Variants in VOPP1 observed in about 807,000 individuals in gnomAD.
The protein encoded by VOPP1 is WW domain binding protein VOPP1.
Under a neutral mutation model 23.5 loss-of-function variants are expected in VOPP1, and 8 were observed. The ratio of observed to expected loss-of-function variants is 0.34; its 90% confidence interval spans 0.20 to 0.61. The LOEUF (loss-of-function observed/expected upper bound fraction) is 0.61. VOPP1 is among the 20% of genes least tolerant of loss of function. The pLI, the probability that VOPP1 is intolerant of heterozygous loss-of-function variation, is 0.78. For synonymous variants in VOPP1, 83 were observed against 97.3 expected (o/e 0.85, Z 0.86); for missense variants, 174 against 238.1 (o/e 0.73, Z 1.77).
chr7:55,518,481 G>T (rs192568522), intron 2 of VOPP1, among the ~76,000 whole-genome samples: 1 of 152,222 alleles, frequency 6.6e-6, no homozygotes, highest in African/African-American at 2.4e-5. Context: ...CACTCGCCGC[G>T]TGGTGGTTTG....
intron 4 of VOPP1, among the ~76,000 whole-genome samples, chr7:55,443,544 A>AACAG (rs1415069819): frequency 3.3e-5 from 5 of 152,120 alleles, no homozygotes; most frequent in African/African-American, 1.2e-4. Context: ...ACAGAGAGAG[A>AACAG]CTCTGTCTCA....
intron 4 of VOPP1, among the ~76,000 whole-genome samples, chr7:55,444,177 T>C (rs963233309): frequency 1.3e-5 from 2 of 152,192 alleles, no homozygotes; most frequent in African/African-American, 4.8e-5. Flanking sequence ...AGAGCTTTGA[T>C]GATGGTTTGG....
At chr7:55,490,136 C>G (rs1484449594) in intron 4 of VOPP1, among the ~76,000 whole-genome samples, 2 of 152,042 alleles carry the variant, frequency 1.3e-5, no homozygotes, top group Admixed American at 6.5e-5. Context: ...GCCAGGTGAG[C>G]TGGCAGAGAC....
rs951767522 is a variant in VOPP1, at chr7:55,457,140, C to T, written n.418-20966G>A. ...GGTAATTATCAATCTTCCTTCTACT[C>T]GCATGAGATCACCTTTTTTAGCTCC... On this transcript the variant is annotated intron_variant and non_coding_transcript_variant, in intron 4 of 4. Transcript: ENST00000462326. 2.9e-4 allele frequency among the ~76,000 whole-genome samples: 44 copies of T among 152,240 alleles called. 2 individuals are homozygous for T. The highest frequency in any genetic ancestry group is 2.2e-3 in the Admixed American group (33 of 15,286).
chr7:55,538,614 T>G (rs1341299121), intron 1 of VOPP1: 2 of 1,535,770 alleles, frequency 1.3e-6, no homozygotes, highest in Non-Finnish European at 1.7e-6. Flanking sequence ...TATACAAACC[T>G]GCAAGAGCAC....
intron 2 of VOPP1, among the ~76,000 whole-genome samples, chr7:55,516,574 G>C (rs181932268): frequency 4.5e-4 from 68 of 152,278 alleles, no homozygotes; most frequent in African/African-American, 1.6e-3. Flanking sequence ...AGGCAGAGTA[G>C]GGAGAAGGCG....
At chr7:55,436,649 G>T (rs1484391837) in intron 4 of VOPP1, among the ~76,000 whole-genome samples, 5 of 146,792 alleles carry the variant, frequency 3.4e-5, no homozygotes, top group Non-Finnish European at 6.1e-5. Context: ...TGCGTGCGTG[G>T]GTGTGTGTGC....
chr7:55,507,563 C>T (rs546944503), intron 2 of VOPP1, among the ~76,000 whole-genome samples: 9 of 152,240 alleles, frequency 5.9e-5, no homozygotes, highest in Non-Finnish European at 7.3e-5. Flanking sequence ...TGTACGTCTG[C>T]GAGAAAATAA....
chr7:55,560,573 C>T (rs1281326750), intron 1 of VOPP1, among the ~76,000 whole-genome samples: 1 of 152,196 alleles, frequency 6.6e-6, no homozygotes, highest in Non-Finnish European at 1.5e-5. Context: ...CCAGAAGAAA[C>T]ATGGTCCTGC....
chr7:55,554,441 C>T (rs1038201243), intron 1 of VOPP1, among the ~76,000 whole-genome samples: 1 of 152,206 alleles, frequency 6.6e-6, no homozygotes, highest in African/African-American at 2.4e-5. Flanking sequence ...GTTTCAAAAG[C>T]TCACATGGGC....
intron 4 of VOPP1, among the ~76,000 whole-genome samples, chr7:55,439,251 G>A (rs1562876169): frequency 6.6e-6 from 1 of 152,074 alleles, no homozygotes; most frequent in African/African-American, 2.4e-5. Flanking sequence ...AGAGGAGAAG[G>A]CGCAGTCACT....
chr7:55,457,292 G>A (rs555674223), intron 4 of VOPP1, among the ~76,000 whole-genome samples: 15 of 152,184 alleles, frequency 9.9e-5, no homozygotes, highest in Admixed American at 2.0e-4. Flanking sequence ...TGCAAATGAC[G>A]GAATTTCATT....
chr7:55,562,638 G>T (rs1290282585), intron 1 of VOPP1, among the ~76,000 whole-genome samples: 2 of 152,188 alleles, frequency 1.3e-5, no homozygotes, highest in Non-Finnish European at 2.9e-5. Flanking sequence ...ATTGCTAAGA[G>T]GAGAGGCATG....
chr7:55,448,258 A>T (rs1791150106), intron 4 of VOPP1, among the ~76,000 whole-genome samples: 1 of 152,236 alleles, frequency 6.6e-6, no homozygotes, highest in Non-Finnish European at 1.5e-5. Context: ...AAAATTAGCA[A>T]GAATGCAAGC....
chr7:55,508,314 C>T (rs1312423410), intron 2 of VOPP1, among the ~76,000 whole-genome samples: 1 of 152,176 alleles, frequency 6.6e-6, no homozygotes, highest in Non-Finnish European at 1.5e-5. Flanking sequence ...GTCACCCAGG[C>T]TGGAGTGCAA....
rs60906200 is a variant in VOPP1, at chr7:55,463,219, C to T, written n.418-27045G>A. Among the ~76,000 whole-genome samples the T allele has an allele frequency of 3.0e-3, 462 of 152,266 alleles. 4 individuals are homozygous for T. The highest frequency in any genetic ancestry group is 0.01 in the African/African-American group (432 of 41,542). On this transcript the variant is annotated intron_variant and non_coding_transcript_variant, in intron 4 of 4. Transcript: ENST00000462326. ...GTTTTTGTTCTATGTTCTCTTGTATCGCACTGAACTTGTTTAATAACATTA... is the reference window on the plus strand; with the variant it reads ...GTTTTTGTTCTATGTTCTCTTGTATTGCACTGAACTTGTTTAATAACATTA...
intron 4 of VOPP1, among the ~76,000 whole-genome samples, chr7:55,477,508 G>C (rs1005617170): frequency 1.3e-4 from 20 of 152,200 alleles, no homozygotes; most frequent in Admixed American, 3.3e-4. Context: ...GGCTCCTGTC[G>C]AGGGGAGGAT....
exon 5 of VOPP1, chr7:55,436,093 G>A (rs1219191522): frequency 6.6e-6 from 1 of 152,382 alleles, no homozygotes; most frequent in African/African-American, 2.4e-5. Flanking sequence ...AAGGAAAGTG[G>A]GGGTCAGCTC....
intron 4 of VOPP1, among the ~76,000 whole-genome samples, chr7:55,437,500 T>C (rs1790861328): frequency 6.6e-6 from 1 of 152,262 alleles, no homozygotes; most frequent in South Asian, 2.1e-4. Flanking sequence ...ATTGGGATTC[T>C]TGTTTCTTTG....
Sources: allele counts gnomAD v4.1 joint callset (sites outside exome capture counted in the v4.1 genomes callset), GRCh38; gene constraint gnomAD v4.1.1; transcripts MANE v1.5; gene names NCBI Gene and HGNC (gene_info 2026-07-23, HGNC 2026-07-21).